LOXL2: variants seen among roughly 807,000 people sequenced by gnomAD.
LOXL2 encodes lysyl oxidase homolog 2.
Under a neutral mutation model 93.0 loss-of-function variants are expected in LOXL2, and 70 were observed. The observed-to-expected ratio is 0.75, with a 90% CI of 0.62 to 0.92. The LOEUF (loss-of-function observed/expected upper bound fraction) is 0.92, where lower values mean the gene tolerates loss of function less well. Ranked by LOEUF, LOXL2 falls within the 40% of genes least tolerant of loss-of-function variation. The pLI is 0.00. For missense variants in LOXL2, 973 were observed against 1,054.9 expected (o/e 0.92, Z 1.08); for synonymous variants, 438 against 413.2 (o/e 1.06, Z -0.73).
intron 2 of LOXL2, among the ~76,000 whole-genome samples, chr8:23,362,598 G>C (rs1376154815): frequency 1.3e-5 from 2 of 152,134 alleles, no homozygotes; most frequent in Non-Finnish European, 2.9e-5. Context: ...GCTGGGCATG[G>C]TGGCGCACGC....
intron 3 of LOXL2, among the ~76,000 whole-genome samples, chr8:23,349,056 G>A (rs534806363): frequency 1.3e-5 from 2 of 152,210 alleles, no homozygotes; most frequent in South Asian, 4.1e-4. Flanking sequence ...TAGCTTTGCA[G>A]ACCTTCGTGA....
rs770686368 is a variant in LOXL2 at position 23,368,447 on chromosome 8, A to G, written c.-83-13T>C. 2.7e-5 allele frequency: 28 copies of G among 1,020,292 alleles called. No homozygotes were observed. The highest frequency in any genetic ancestry group is 1.1e-4 in the South Asian group (8 of 75,852). The allele number at this position is 1,020,292 out of a possible 1,614,324, so 63.2% of individuals were successfully genotyped here. The stretch of plus-strand genomic sequence containing the variant: ...CAGCAGGAGCTTTCTGGAAGAGAGG[A>G]GAGATGCGTTAGGATGGGAACGTGG... On this transcript the variant is annotated splice_polypyrimidine_tract_variant and intron_variant, in intron 1 of 13. Transcript: ENST00000389131.
chr8:23,331,765 TG>T (rs35379155), intron 5 of LOXL2: 122,760 of 152,062 alleles, frequency 0.81, 49,603 homozygotes, highest in East Asian at 0.93. Context: ...AATCGGCCAG[TG>T]GGCTCACATC....
At chr8:23,394,397 A>AG (rs1800061600) in intron 1 of LOXL2, among the ~76,000 whole-genome samples, 1 of 91,694 alleles carries the variant, frequency 1.1e-5, no homozygotes, top group African/African-American at 4.6e-5. Context: ...TGTCTCAGAG[A>AG]AAAAAAAAAA....
rs1317324995 is a variant in LOXL2, at chr8:23,309,915, C to T, written c.1637-4G>A. On this transcript the variant is annotated splice_region_variant and splice_polypyrimidine_tract_variant and intron_variant, in intron 9 of 13. Coordinates refer to ENST00000389131, the MANE Select transcript of LOXL2 (RefSeq NM_002318.3). ...TTGAGGACCAGGTCAGGGGCGGCTG[C>T]GGAGGATGGCATGCTGGTCAACAAG... 6.8e-6 allele frequency: 10 copies of T among 1,464,560 alleles called. No individual in the cohort carries two copies. Among genetic ancestry groups the T allele is most frequent in the East Asian group, 2.6e-5 (1 of 37,760 alleles). 90.7% of individuals were successfully genotyped at this position (1,464,560 alleles called of 1,614,324 possible).
At chr8:23,394,671 C>T (rs1174760100) in intron 1 of LOXL2, among the ~76,000 whole-genome samples, 2 of 152,006 alleles carry the variant, frequency 1.3e-5, no homozygotes, top group Non-Finnish European at 2.9e-5. Flanking sequence ...AATACTACAG[C>T]CACTGTGAAA....
chr8:23,306,530 C>G (rs754942320), intron 10 of LOXL2, among the ~76,000 whole-genome samples: 1 of 152,246 alleles, frequency 6.6e-6, no homozygotes, highest in African/African-American at 2.4e-5. Context: ...CCCACAGATG[C>G]GATGAGGGCC....
At chr8:23,322,458 C>A (rs1023478836) in intron 6 of LOXL2, among the ~76,000 whole-genome samples, 177 bp from the exon 7 acceptor site, 2 of 152,200 alleles carry the variant, frequency 1.3e-5, no homozygotes, top group African/African-American at 4.8e-5. Context: ...AGTGCTAATT[C>A]TCTTGGGATT....
chr8:23,327,171 C>A (rs956427380), intron 6 of LOXL2, among the ~76,000 whole-genome samples: 2 of 152,222 alleles, frequency 1.3e-5, no homozygotes, highest in African/African-American at 4.8e-5. Flanking sequence ...AGAGCTGACC[C>A]ACTGCAGGCT....
intron 10 of LOXL2, 119 bp downstream of exon 10, chr8:23,309,549 T>C: frequency 2.5e-5 from 30 of 1,189,402 alleles, no homozygotes; most frequent in Non-Finnish European, 2.8e-5. Flanking sequence ...AGGAGGATCC[T>C]ATCCCCAGGC....
intron 1 of LOXL2, among the ~76,000 whole-genome samples, chr8:23,403,115 A>C (rs1800173167): frequency 6.6e-6 from 1 of 152,106 alleles, no homozygotes; most frequent in Non-Finnish European, 1.5e-5. Flanking sequence ...GAGGGCTTCC[A>C]AATTTGGGCT....
chr8:23,349,365 C>G (rs1357082313), intron 3 of LOXL2, among the ~76,000 whole-genome samples: 1 of 152,188 alleles, frequency 6.6e-6, no homozygotes, highest in Non-Finnish European at 1.5e-5. Context: ...TCCCTTCTTT[C>G]TATCTATCAG....
chr8:23,318,356 C>T (rs904446472), intron 8 of LOXL2, among the ~76,000 whole-genome samples: 2 of 151,814 alleles, frequency 1.3e-5, no homozygotes, highest in African/African-American at 4.8e-5. Flanking sequence ...TATCTTTCTT[C>T]ATGCTGTGTG....
chr8:23,382,078 C>G lies in LOXL2; in HGVS notation c.-83-13644G>C, dbSNP rs200481299. Reference sequence around the variant, plus strand: ...TGTCATTTATAAACAACTGAGAGCTCACAAAGGAGCTGGAATGAGCACAGG... The same window carrying G: ...TGTCATTTATAAACAACTGAGAGCTGACAAAGGAGCTGGAATGAGCACAGG... On this transcript the variant is annotated intron_variant, in intron 1 of 13. Transcript: ENST00000389131. Among the ~76,000 whole-genome samples, 3 of 152,180 alleles carry G rather than the reference C, an allele frequency of 2.0e-5. No homozygotes were observed. In the East Asian group the frequency reaches 5.8e-4, roughly 29 times the overall value.
chr8:23,329,436 C>A (rs1240746674), intron 5 of LOXL2, among the ~76,000 whole-genome samples: 1 of 152,224 alleles, frequency 6.6e-6, no homozygotes, highest in Non-Finnish European at 1.5e-5. Flanking sequence ...GTAAGACTCT[C>A]TACGTCTTGG....
At chr8:23,354,945 ATATATTTT>A (rs1804163332) in intron 3 of LOXL2, among the ~76,000 whole-genome samples, 2 of 54,976 alleles carry the variant, frequency 3.6e-5, no homozygotes, top group Non-Finnish European at 5.9e-5. Flanking sequence ...ATATATATAT[ATATATTTT>A]TTTTTTTTTT....
intron 3 of LOXL2, among the ~76,000 whole-genome samples, chr8:23,352,093 C>T (rs1209130339): frequency 4.6e-5 from 7 of 152,318 alleles, no homozygotes; most frequent in South Asian, 2.1e-4. Context: ...GGAATACAGG[C>T]GTGAGCCACC....
At chr8:23,347,643 C>A (rs924592697) in intron 3 of LOXL2, among the ~76,000 whole-genome samples, 1 of 151,248 alleles carries the variant, frequency 6.6e-6, no homozygotes, top group Admixed American at 6.6e-5. Flanking sequence ...GACTGAGACT[C>A]CGTTTCAAAA....
At chr8:23,362,087 T>C (rs11781822) in intron 2 of LOXL2, among the ~76,000 whole-genome samples, 55,462 of 152,064 alleles carry the variant, frequency 0.36, 10,887 homozygotes, top group Middle Eastern at 0.44. Context: ...TTATTCGCAA[T>C]AGCCAAGAGG....
Sources: gnomAD v4.1 joint callset for allele counts (sites outside exome capture counted in the v4.1 genomes callset) on GRCh38, gnomAD v4.1.1 for gene constraint, MANE v1.5 for transcripts, NCBI Gene and HGNC (gene_info 2026-07-23, HGNC 2026-07-21) for gene names.